The following TANC1 variants were observed in gnomAD, a reference collection of about 807,000 sequenced individuals.
TANC1 encodes tetratricopeptide repeat, ankyrin repeat and coiled-coil containing 1, also known as protein TANC1.
Under a neutral mutation model 149.7 loss-of-function variants are expected in TANC1, and 77 were observed. That is an observed-to-expected ratio of 0.51 (90% CI 0.43 to 0.62). The LOEUF (loss-of-function observed/expected upper bound fraction) is 0.62, where lower values mean the gene tolerates loss of function less well. TANC1 is among the 20% of genes least tolerant of loss of function. The probability of loss-of-function intolerance (pLI) is 0.00; values close to 1 mark genes in which losing one functional copy is unlikely to be tolerated. For missense variants in TANC1, 1,985 were observed against 2,321.8 expected, an observed-to-expected ratio of 0.85 and a Z score of 2.98; for synonymous variants, 854 against 925.0, an observed-to-expected ratio of 0.92 and a Z score of 1.39.
At chr2:159,219,988 G>T in intron 22 of TANC1, 121 bp downstream of exon 22, 1 of 585,304 alleles carries the variant, frequency 1.7e-6, no homozygotes, top group Non-Finnish European at 2.7e-6. Context: ...GTGTGTGTGT[G>T]TGTGTGTGTG....
At chr2:159,138,973 G>A (rs1348170318) in intron 5 of TANC1, among the ~76,000 whole-genome samples, 1 of 152,198 alleles carries the variant, frequency 6.6e-6, no homozygotes, top group East Asian at 1.9e-4. Context: ...TTATTTATAA[G>A]TAATTGCATT....
intron 5 of TANC1, among the ~76,000 whole-genome samples, chr2:159,137,601 C>T (rs1245499387): frequency 6.6e-6 from 1 of 152,208 alleles, no homozygotes; most frequent in Non-Finnish European, 1.5e-5. Context: ...ACTGCTGGTA[C>T]ATGAGGCCTC....
chr2:159,219,975 A>T (rs1376559409), intron 22 of TANC1, 108 bp downstream of exon 22: 20 of 748,238 alleles, frequency 2.7e-5, no homozygotes, highest in African/African-American at 6.2e-5. Flanking sequence ...GTGTCATCAG[A>T]GAGTGTGTGT....
chr2:159,019,255 A>G (rs2038574336), intron 2 of TANC1, among the ~76,000 whole-genome samples: 1 of 152,226 alleles, frequency 6.6e-6, no homozygotes, highest in Admixed American at 6.5e-5. Context: ...CCCAGCAGCC[A>G]CGCAGTGAGC....
intron 1 of TANC1, among the ~76,000 whole-genome samples, chr2:158,999,937 G>A (rs149698009): frequency 6.6e-6 from 1 of 152,144 alleles, no homozygotes; most frequent in Non-Finnish European, 1.5e-5. Context: ...GGGGGTTCAA[G>A]GAGGAGGTAA....
At chr2:159,191,556 A>G (rs1029804123) in intron 16 of TANC1, among the ~76,000 whole-genome samples, 1 of 152,054 alleles carries the variant, frequency 6.6e-6, no homozygotes, top group African/African-American at 2.4e-5. Flanking sequence ...GCAGTGAGGG[A>G]AGGATTCTGC....
chr2:159,034,961 C>A (rs939681097), intron 2 of TANC1, among the ~76,000 whole-genome samples: 7 of 152,170 alleles, frequency 4.6e-5, no homozygotes, highest in African/African-American at 1.7e-4. Context: ...CTGCAGAACC[C>A]TTTACAGCTG....
At chr2:158,985,785 A>C (rs189103930) in intron 1 of TANC1, among the ~76,000 whole-genome samples, 35 of 152,266 alleles carry the variant, frequency 2.3e-4, no homozygotes, top group Non-Finnish European at 4.0e-4. Flanking sequence ...CTGGGATTAC[A>C]GGCATGTGCC....
At chr2:159,220,092 C>T (rs1309998463) in intron 22 of TANC1, among the ~76,000 whole-genome samples, 7 of 150,826 alleles carry the variant, frequency 4.6e-5, no homozygotes, top group Non-Finnish European at 8.8e-5. Flanking sequence ...AGATTTTAGT[C>T]GACTCTTAAA....
Position 159,219,363 on chromosome 2 carries a change from T to A in TANC1, c.3502+2T>A, listed in dbSNP as rs2059544448. The A allele has an allele frequency of 1.2e-6, 2 of 1,601,104 alleles. No individual in the cohort carries two copies. ...CCGTGGAATTCCTCCTTTCAAAAGG[T>A]AGCAGCGTGATGCCCTCAAAGGTTT... is the stretch of plus-strand genomic sequence containing the variant. On this transcript the variant is annotated splice_donor_variant, in intron 21 of 26. Coordinates refer to ENST00000263635, the MANE Select transcript of TANC1 (RefSeq NM_033394.3). LOFTEE classifies it high-confidence loss of function.
chr2:159,112,555 C>CT (rs34643604), intron 4 of TANC1, among the ~76,000 whole-genome samples: 54,578 of 129,760 alleles, frequency 0.42, 13,367 homozygotes, highest in Non-Finnish European at 0.54. Flanking sequence ...TGCACCCAGC[C>CT]TTTTTTTTTT....
At chr2:159,063,574 C>G (rs1458081826) in intron 2 of TANC1, among the ~76,000 whole-genome samples, 1 of 152,122 alleles carries the variant, frequency 6.6e-6, no homozygotes, top group African/African-American at 2.4e-5. Flanking sequence ...TTTTTGCACT[C>G]AGGTATAATC....
At chr2:159,121,942 A>G (rs2048893252) in intron 4 of TANC1, among the ~76,000 whole-genome samples, 1 of 152,000 alleles carries the variant, frequency 6.6e-6, no homozygotes, top group Admixed American at 6.6e-5. Flanking sequence ...GAAACTTTTT[A>G]TTTATTTATT....
chr2:159,000,055 GGGCCTCCATGCCCAGCAGGA>G (rs2036485786), intron 1 of TANC1, among the ~76,000 whole-genome samples: 1 of 152,170 alleles, frequency 6.6e-6, no homozygotes. Context: ...TTACAGGCAA[GGGCCTCCATGCCCAGCAGGA>G]GGTGATTCTT....
In TANC1 at chr2:159,023,354, T is replaced by TC. The variant is rs1349578885; in HGVS notation, c.-16+22165_-16+22166insC. On this transcript the variant is annotated intron_variant, in intron 2 of 26. Transcript: ENST00000263635. The stretch of plus-strand genomic sequence containing the variant: ...GTAACCCATGGCCTTTTTTTTTCTT[T>TC]TTTTTTGAGGCAGAGTCTCGCTCTG... Among the ~76,000 whole-genome samples the TC allele has an allele frequency of 1.6e-4, 25 of 152,156 alleles. 1 individual carries two copies. The highest frequency in any genetic ancestry group is 6.0e-4 in the African/African-American group (25 of 41,530).
chr2:159,127,223 C>T (rs1426420566), intron 4 of TANC1, among the ~76,000 whole-genome samples: 1 of 152,198 alleles, frequency 6.6e-6, no homozygotes, highest in Non-Finnish European at 1.5e-5. Context: ...AGCTCAACAT[C>T]ACTGATCATT....
intron 19 of TANC1, among the ~76,000 whole-genome samples, chr2:159,205,419 A>G (rs568422657): frequency 3.3e-5 from 5 of 152,366 alleles, no homozygotes; most frequent in African/African-American, 1.2e-4. Flanking sequence ...AGTCACATAT[A>G]CAGCCATCCC....
Position 159,222,550 on chromosome 2 carries a change from G to A in TANC1, c.3679-1682G>A, listed in dbSNP as rs144792092. Among the ~76,000 whole-genome samples the A allele has an allele frequency of 3.3e-3, 510 of 152,240 alleles. 1 individual carries two copies. The highest frequency in any genetic ancestry group is 5.7e-3 in the Non-Finnish European group (388 of 68,024). ...TCTCCAGGTTCACCCATGTTGTAGCGTGTGTTAGAATAGCATTTCCTTCCT... is the reference window on the plus strand; with the variant it reads ...TCTCCAGGTTCACCCATGTTGTAGCATGTGTTAGAATAGCATTTCCTTCCT... On this transcript the variant is annotated intron_variant, in intron 22 of 26. Transcript: ENST00000263635.
intron 23 of TANC1, chr2:159,224,620 G>A (rs1559491827): frequency 4.7e-6 from 2 of 424,314 alleles, no homozygotes; most frequent in Non-Finnish European, 8.7e-6. Context: ...CAGGAACCAC[G>A]CCAGAGAGGA....
Sources: gnomAD v4.1 joint callset for allele counts (sites outside exome capture counted in the v4.1 genomes callset) on GRCh38, gnomAD v4.1.1 for gene constraint, MANE v1.5 for transcripts, NCBI Gene and HGNC (gene_info 2026-07-23, HGNC 2026-07-21) for gene names.